MYLK4: variants seen among roughly 807,000 people sequenced by gnomAD.
MYLK4 encodes the protein myosin light chain kinase family member 4, also known as caMLCK like.
Under a neutral mutation model 48.1 loss-of-function variants are expected in MYLK4, and 46 were observed. The observed-to-expected ratio is 0.96, with a 90% CI of 0.75 to 1.22. The LOEUF (loss-of-function observed/expected upper bound fraction) is 1.22, where lower values mean the gene tolerates loss of function less well. Among genes scored for constraint, MYLK4 ranks in the 50% most tolerant of loss-of-function variants. The pLI, the probability that MYLK4 is intolerant of heterozygous loss-of-function variation, is 0.00. For missense variants in MYLK4, 451 were observed against 486.1 expected, an observed-to-expected ratio of 0.93 and a Z score of 0.68; for synonymous variants, 170 against 180.8, an observed-to-expected ratio of 0.94 and a Z score of 0.48.
chr6:2,762,614 A>G, the MYLK4 span, among the ~76,000 whole-genome samples: 1 of 152,234 alleles, frequency 6.6e-6, no homozygotes, highest in African/African-American at 2.4e-5. Flanking sequence ...GCAAGTATTC[A>G]CTTCTGTGAT....
At chr6:2,736,325 G>T (rs1366029809) in intron 2 of MYLK4, among the ~76,000 whole-genome samples, 1 of 152,212 alleles carries the variant, frequency 6.6e-6, no homozygotes, top group East Asian at 1.9e-4. Context: ...CGCGATCTCG[G>T]CTCACTGCAA....
At chr6:2,683,434 T>TGTGTGTGTGTGTGTG (rs756575525) in intron 6 of MYLK4, among the ~76,000 whole-genome samples, 6 of 149,356 alleles carry the variant, frequency 4.0e-5, no homozygotes, top group South Asian at 2.2e-4. Context: ...TGTGTGTGTG[T>TGTGTGTGTGTGTGTG]TTTGAGATGG....
the MYLK4 span, among the ~76,000 whole-genome samples, chr6:2,768,039 A>G: frequency 6.6e-6 from 1 of 152,328 alleles, no homozygotes; most frequent in South Asian, 2.1e-4. Flanking sequence ...ATTCATATTA[A>G]TAACAGCATA....
intron 12 of MYLK4, among the ~76,000 whole-genome samples, chr6:2,670,368 A>AAAACAAACAAACAAAC (rs10612556): frequency 6.6e-5 from 10 of 150,750 alleles, no homozygotes; most frequent in African/African-American, 2.0e-4. Flanking sequence ...TCTATCTCAA[A>AAAACAAACAAACAAAC]AAACAAACAA....
chr6:2,763,957 C>A, the MYLK4 span, among the ~76,000 whole-genome samples: 11 of 152,138 alleles, frequency 7.2e-5, no homozygotes, highest in African/African-American at 2.4e-4. Flanking sequence ...GGAAGAAACC[C>A]CGTCTGTACT....
intron 2 of MYLK4, among the ~76,000 whole-genome samples, chr6:2,705,152 G>A (rs1189827184): frequency 1.3e-5 from 2 of 152,208 alleles, no homozygotes; most frequent in African/African-American, 2.4e-5. Flanking sequence ...GCTTGTTTGG[G>A]TGGCTGTGTG....
chr6:2,715,674 G>A (rs537906210), intron 2 of MYLK4, among the ~76,000 whole-genome samples: 4 of 152,312 alleles, frequency 2.6e-5, no homozygotes, highest in Middle Eastern at 3.4e-3. Context: ...CCTGCTTCAC[G>A]TGTCTGGCTT....
At chr6:2,668,170 G>C (rs900288007) in intron 12 of MYLK4, among the ~76,000 whole-genome samples, 1 of 151,986 alleles carries the variant, frequency 6.6e-6, no homozygotes, top group African/African-American at 2.4e-5. Flanking sequence ...TTGTTACATG[G>C]GGACATGTGT....
chr6:2,721,124 G>C (rs186487330), intron 2 of MYLK4, among the ~76,000 whole-genome samples: 1 of 152,096 alleles, frequency 6.6e-6, no homozygotes, highest in Non-Finnish European at 1.5e-5. Context: ...TCACACCACC[G>C]CACTCCAGCC....
chr6:2,705,668 T>C (rs912572309), intron 2 of MYLK4, among the ~76,000 whole-genome samples: 3 of 152,208 alleles, frequency 2.0e-5, no homozygotes, highest in Non-Finnish European at 4.4e-5. Flanking sequence ...TTATTTTCCA[T>C]GTTGGCTGAA....
At chr6:2,737,677 C>T (rs972479513) in intron 2 of MYLK4, among the ~76,000 whole-genome samples, 4 of 151,946 alleles carry the variant, frequency 2.6e-5, no homozygotes, top group Non-Finnish European at 5.9e-5. Context: ...ATGCTAGGAT[C>T]CCAGGCCAGT....
intron 2 of MYLK4, among the ~76,000 whole-genome samples, chr6:2,729,691 G>T (rs1048309008): frequency 1.3e-5 from 2 of 152,112 alleles, no homozygotes; most frequent in East Asian, 1.9e-4. Flanking sequence ...CACTGGGGAG[G>T]GGGTGAAGGC....
chr6:2,678,699 T>C (rs1761177978), intron 9 of MYLK4, among the ~76,000 whole-genome samples: 1 of 149,808 alleles, frequency 6.7e-6, no homozygotes, highest in Admixed American at 6.7e-5. Context: ...GCCTGAGTCA[T>C]TTAGGAGATC....
At chr6:2,756,967 A>G in the MYLK4 span, among the ~76,000 whole-genome samples, 1 of 152,308 alleles carries the variant, frequency 6.6e-6, no homozygotes, top group Non-Finnish European at 1.5e-5. Flanking sequence ...TGATAGTAAC[A>G]AGGCATGAAA....
intron 12 of MYLK4, 78 bp downstream of exon 12, chr6:2,671,198 G>A: frequency 9.7e-7 from 1 of 1,026,032 alleles, no homozygotes; most frequent in Non-Finnish European, 1.5e-6. Flanking sequence ...CATAGTCTGT[G>A]AGCAAATGCT....
intron 1 of MYLK4, among the ~76,000 whole-genome samples, chr6:2,750,513 A>G (rs1188785732): frequency 6.6e-6 from 1 of 152,254 alleles, no homozygotes; most frequent in African/African-American, 2.4e-5. Flanking sequence ...GCAAACTACG[A>G]CTAAAATACT....
chr6:2,724,178 G>A (rs1004455186), intron 2 of MYLK4, among the ~76,000 whole-genome samples: 2 of 152,092 alleles, frequency 1.3e-5, no homozygotes, highest in Non-Finnish European at 2.9e-5. Flanking sequence ...ATGCCTGGCT[G>A]ATTGATTATT....
chr6:2,725,025 C>T (rs1290426771), intron 2 of MYLK4, among the ~76,000 whole-genome samples: 1 of 152,186 alleles, frequency 6.6e-6, no homozygotes, highest in East Asian at 1.9e-4. Context: ...GTGGCACACA[C>T]CTGTAATTCC....
chr6:2,717,496 C>A (rs1388121097), intron 2 of MYLK4, among the ~76,000 whole-genome samples: 2 of 152,180 alleles, frequency 1.3e-5, no homozygotes, highest in Admixed American at 6.5e-5. Context: ...CAGTTCAGCA[C>A]CCCCTAAGTG....
Sources: gnomAD v4.1 joint callset for allele counts (sites outside exome capture counted in the v4.1 genomes callset) on GRCh38, gnomAD v4.1.1 for gene constraint, MANE v1.5 for transcripts, NCBI Gene and HGNC (gene_info 2026-07-23, HGNC 2026-07-21) for gene names.